The following MORC2 variants were observed in gnomAD, a reference collection of about 807,000 sequenced individuals.
MORC2 encodes ATPase MORC2.
MORC2 carries 30 observed loss-of-function variants against 136.0 expected under a neutral mutation model. That is an observed-to-expected ratio of 0.22 (90% CI 0.17 to 0.30). The LOEUF is 0.30. Among genes scored for constraint, MORC2 ranks in the 10% least tolerant of loss-of-function variants. The pLI is 1.00. For missense variants in MORC2, 922 were observed against 1,333.1 expected (o/e 0.69, Z 4.80); for synonymous variants, 439 against 487.0 (o/e 0.90, Z 1.30).
intron 24 of MORC2, among the ~76,000 whole-genome samples, chr22:30,930,248 G>A (rs1326026436): frequency 6.6e-6 from 1 of 152,206 alleles, no homozygotes; most frequent in Non-Finnish European, 1.5e-5. Context: ...GCTCTACTCT[G>A]AGTTTGGCAA....
In MORC2 at chr22:30,933,594, G is replaced by A. The variant is rs1212794909; in HGVS notation, c.2326-74C>T. 1.2e-5 allele frequency: 17 copies of A among 1,455,386 alleles called. No homozygotes were observed. The East Asian group carries it at 2.1e-4, about 18-fold the overall frequency. The allele number at this position is 1,455,386 out of a possible 1,614,324, so 90.2% of individuals were successfully genotyped here. On this transcript the variant is annotated intron_variant, in intron 20 of 25. Coordinates refer to ENST00000397641, the MANE Select transcript of MORC2 (RefSeq NM_001303256.3). Reference sequence around the variant, plus strand: ...CAGACTTGTGCCTTACTGGCCACCCGGGGTCATCAGCCATCATCTTCACGA... The same window carrying A: ...CAGACTTGTGCCTTACTGGCCACCCAGGGTCATCAGCCATCATCTTCACGA...
At chr22:30,955,708 T>C (rs1462212879) in intron 3 of MORC2, among the ~76,000 whole-genome samples, 1 of 152,212 alleles carries the variant, frequency 6.6e-6, no homozygotes, top group Non-Finnish European at 1.5e-5. Flanking sequence ...AGTCGAATTG[T>C]ATTTAAAAGC....
intron 17 of MORC2, 141 bp from the exon 18 acceptor site, chr22:30,935,463 T>C (rs936027855): frequency 2.3e-5 from 17 of 745,738 alleles, no homozygotes; most frequent in Middle Eastern, 3.5e-4. Flanking sequence ...CCTGTTCTCA[T>C]TGGGGAGACA....
chr22:30,928,111 G>T lies in MORC2; in HGVS notation c.2938C>A (p.Leu980Met). The change falls in exon 25 of 26, where the codon CTG becomes ATG. Residue 980 changes from leucine to methionine, a missense_variant. Physicochemically the swap from Leu to Met is conservative, Grantham distance 15. Coordinates refer to ENST00000397641, the MANE Select transcript of MORC2 (RefSeq NM_001303256.3). Reference sequence around the variant, plus strand: ...CGGAGCTTCCTCTCGGAGGTGCGCAGGCTTTCCTCGGAGGCCTTGGCCCGG... The same window carrying T: ...CGGAGCTTCCTCTCGGAGGTGCGCATGCTTTCCTCGGAGGCCTTGGCCCGG... ...DSRAKASEES[L>M]RTSERKLRET... The T allele has an allele frequency of 6.2e-7, 1 of 1,614,098 alleles. No individual in the cohort carries two copies. Among genetic ancestry groups the T allele is most frequent in the Non-Finnish European group, 8.5e-7 (1 of 1,180,014 alleles).
intron 25 of MORC2, 125 bp downstream of exon 25, chr22:30,927,894 A>G: frequency 2.5e-6 from 3 of 1,187,556 alleles, no homozygotes; most frequent in Non-Finnish European, 3.5e-6. Context: ...GGTGCTGTGC[A>G]GCCAGGGTGA....
intron 6 of MORC2, among the ~76,000 whole-genome samples, chr22:30,942,494 G>T (rs981609709): frequency 6.6e-6 from 1 of 152,184 alleles, no homozygotes; most frequent in Admixed American, 6.5e-5. Flanking sequence ...GTTGGTTTAT[G>T]TGCTTAGGGT....
At position 30,940,871 on chromosome 22, in the gene MORC2, G is replaced by A. The variant is rs372919238; in HGVS notation, c.825-34C>T. On this transcript the variant is annotated intron_variant, in intron 9 of 25. Transcript: ENST00000397641. ...TAGAAAAAGCAAGCTGATGGCCCAC[G>A]CAGCAGTGGGGCAGGTGGCACACCC... is the stretch of plus-strand genomic sequence containing the variant. The A allele has an allele frequency of 2.4e-4, 376 of 1,565,374 alleles. 1 individual carries two copies. The highest frequency in any genetic ancestry group is 3.1e-4 in the Non-Finnish European group (357 of 1,135,804).
At chr22:30,938,303 T>A (rs749191668) in intron 12 of MORC2, 98 bp from the exon 13 acceptor site, 1 of 1,426,184 alleles carries the variant, frequency 7.0e-7, no homozygotes, top group Non-Finnish European at 9.5e-7. Flanking sequence ...TGAAACATGT[T>A]AAGCCAAAAG....
Position 30,932,537 on chromosome 22 carries a change from A to T in MORC2, c.2747+8T>A. 6.2e-7 allele frequency: 1 copy of T among 1,613,900 alleles called. No individual in the cohort carries two copies. ...GCCCTGGGGTGGGAAGACAAAAGAC[A>T]CATGTACCGGAGGATCTGGACAAGC... On this transcript the variant is annotated splice_region_variant and intron_variant, in intron 23 of 25. Coordinates refer to ENST00000397641, the MANE Select transcript of MORC2 (RefSeq NM_001303256.3). The surrounding 1 kb of genome is among the most constrained non-coding windows in gnomAD (Gnocchi z 4.4).
At chr22:30,951,021 T>C (rs919530767) in intron 3 of MORC2, among the ~76,000 whole-genome samples, 5 of 152,226 alleles carry the variant, frequency 3.3e-5, no homozygotes, top group Non-Finnish European at 7.3e-5. Flanking sequence ...TTCTGGGCTA[T>C]CTGCATTTAC....
chr22:30,946,241 C>A, intron 6 of MORC2, 100 bp downstream of exon 6: 2 of 845,800 alleles, frequency 2.4e-6, no homozygotes, highest in South Asian at 4.0e-5. Flanking sequence ...TCCAATCCTG[C>A]AACCCCAAAG....
intron 3 of MORC2, among the ~76,000 whole-genome samples, chr22:30,952,464 G>T (rs759172872): frequency 5.3e-5 from 8 of 152,182 alleles, no homozygotes; most frequent in Non-Finnish European, 8.8e-5. Flanking sequence ...TTAACAGTGG[G>T]GCTGGTATCC....
At chr22:30,959,930 C>T (rs1399376924) in intron 1 of MORC2, among the ~76,000 whole-genome samples, 1 of 152,144 alleles carries the variant, frequency 6.6e-6, no homozygotes, top group Non-Finnish European at 1.5e-5. Context: ...GTTTTTTCTT[C>T]CTCAAGTAAC....
At position 30,937,734 on chromosome 22, in the gene MORC2, T is replaced by C; in HGVS notation, c.1370-23A>G. ...GGGCTGGAAAGCAAACACCGATACA[T>C]CATGTTAGGAGCCAGCCTCTCTCTC... is the stretch of plus-strand genomic sequence containing the variant. On this transcript the variant is annotated intron_variant, in intron 14 of 25. Transcript: ENST00000397641. The surrounding 1 kb of genome is among the most constrained non-coding windows in gnomAD (Gnocchi z 4.7). The C allele has an allele frequency of 6.2e-7, 1 of 1,613,954 alleles. No individual in the cohort carries two copies. Among genetic ancestry groups the C allele is most frequent in the Non-Finnish European group, 8.5e-7 (1 of 1,179,960 alleles).
At chr22:30,933,566 G>A in intron 20 of MORC2, 46 bp from the exon 21 acceptor site, 2 of 1,603,228 alleles carry the variant, frequency 1.2e-6, no homozygotes, top group African/African-American at 1.3e-5. Flanking sequence ...TGCCCCCCAA[G>A]AGCAGACTTG....
intron 25 of MORC2, 24 bp from the exon 26 acceptor site, chr22:30,926,895 C>T: frequency 1.2e-6 from 2 of 1,603,340 alleles, no homozygotes; most frequent in Middle Eastern, 1.7e-4. Flanking sequence ...GGGTAGGGAT[C>T]AACTGGGGGC....
At chr22:30,948,491 C>T (rs547645800) in intron 5 of MORC2, among the ~76,000 whole-genome samples, 83 of 152,348 alleles carry the variant, frequency 5.4e-4, no homozygotes, top group African/African-American at 1.9e-3. Flanking sequence ...GAAATAAAGG[C>T]AGAAACCAGG....
At chr22:30,950,524 A>G in intron 3 of MORC2, 79 bp from the exon 4 acceptor site, 1 of 1,398,346 alleles carries the variant, frequency 7.2e-7, no homozygotes, top group Non-Finnish European at 1.0e-6. Flanking sequence ...AAGGCAGATC[A>G]ATGTGAAGCT....
At chr22:30,927,566 T>C (rs2040505790) in intron 25 of MORC2, among the ~76,000 whole-genome samples, 1 of 152,216 alleles carries the variant, frequency 6.6e-6, no homozygotes. Context: ...TAATTCTCTC[T>C]CTTCCACCAG....
Sources: gnomAD v4.1 joint callset for allele counts (sites outside exome capture counted in the v4.1 genomes callset) on GRCh38, gnomAD v4.1.1 for gene constraint, Gnocchi (gnomAD v3.1) non-coding constraint, MANE v1.5 for transcripts, NCBI Gene and HGNC (gene_info 2026-07-23, HGNC 2026-07-21) for gene names.